The following CBFA2T3 variants were observed in gnomAD, a reference collection of about 807,000 sequenced individuals.
CBFA2T3 encodes CBFA2/RUNX1 partner transcriptional co-repressor 3, also known as transcriptional corepressor CBFA2T3.
CBFA2T3 carries 31 observed loss-of-function variants against 58.6 expected under a neutral mutation model. The observed-to-expected ratio is 0.53, with a 90% confidence interval of 0.40 to 0.71. CBFA2T3 has a LOEUF of 0.71. Among genes scored for constraint, CBFA2T3 ranks in the 30% least tolerant of loss-of-function variants. The pLI is 0.00. For missense variants in CBFA2T3, 1,076 were observed against 963.1 expected (o/e 1.12, Z -1.55); for synonymous variants, 531 against 421.9 (o/e 1.26, Z -3.17).
chr16:88,967,188 G>A (rs1420138636), intron 1 of CBFA2T3, among the ~76,000 whole-genome samples: 15 of 90,432 alleles, frequency 1.7e-4, no homozygotes, highest in African/African-American at 6.1e-4. Context: ...GGTGCCACTC[G>A]GCCCCGACAC....
At chr16:88,882,556 G>C (rs543136290) in intron 8 of CBFA2T3, 120 bp downstream of exon 8, 5 of 675,118 alleles carry the variant, frequency 7.4e-6, no homozygotes, top group African/African-American at 1.8e-5. Context: ...GGGTGTGGCT[G>C]TGTGTGGGCA....
intron 1 of CBFA2T3, among the ~76,000 whole-genome samples, chr16:88,933,815 C>T (rs8059433): frequency 0.27 from 39,453 of 143,730 alleles, 6,840 homozygotes; most frequent in Middle Eastern, 0.48. Context: ...CTTCATGCCA[C>T]GCGTATGTGA....
At position 88,932,852 on chromosome 16, in the gene CBFA2T3, C is replaced by G. The variant is rs541500574; in HGVS notation, c.152-31196G>C. Reference sequence around the variant, plus strand: ...GGTGCAGTGGTGTGTGGCTGTAATCCCAGCTACTCAGGAGGCTGACGCAGG... The same window carrying G: ...GGTGCAGTGGTGTGTGGCTGTAATCGCAGCTACTCAGGAGGCTGACGCAGG... On this transcript the variant is annotated intron_variant, in intron 1 of 11. Transcript: ENST00000268679. Among the ~76,000 whole-genome samples the G allele has an allele frequency of 9.4e-4, 139 of 148,456 alleles. 1 individual carries two copies. The highest frequency in any genetic ancestry group is 3.1e-3 in the African/African-American group (126 of 40,168).
At chr16:88,975,346 C>T (rs181711161) in intron 1 of CBFA2T3, among the ~76,000 whole-genome samples, 150 of 151,066 alleles carry the variant, frequency 9.9e-4, no homozygotes, top group African/African-American at 3.4e-3. Flanking sequence ...TAGACACCCC[C>T]GTCCTTCCAC....
At chr16:88,881,989 A>G (rs545545462) in intron 8 of CBFA2T3, among the ~76,000 whole-genome samples, 108 of 152,316 alleles carry the variant, frequency 7.1e-4, no homozygotes, top group Non-Finnish European at 1.2e-3. Context: ...TTTTGCCCAC[A>G]CTTCTTGCAA....
At chr16:88,933,309 C>T (rs1028987821) in intron 1 of CBFA2T3, among the ~76,000 whole-genome samples, 14 of 144,144 alleles carry the variant, frequency 9.7e-5, no homozygotes, top group African/African-American at 3.3e-4. Flanking sequence ...TGCCTCTATA[C>T]GCCTCACACG....
At position 88,901,721 on chromosome 16, in the gene CBFA2T3, C is replaced by G. The variant is rs911696407; in HGVS notation, c.152-65G>C. 11 of 1,409,898 alleles carry G rather than the reference C, an allele frequency of 7.8e-6. No individual in the cohort carries two copies. In the African/African-American group the frequency reaches 1.1e-4, roughly 14 times the overall value. 87.3% of individuals were successfully genotyped at this position (1,409,898 alleles called of 1,614,324 possible). ...TAAGTGCAAAGGCCAGGGCCCGCAGCCCCACGGTTCCCAGCGAAGGCCCCA... is the reference window on the plus strand; with the variant it reads ...TAAGTGCAAAGGCCAGGGCCCGCAGGCCCACGGTTCCCAGCGAAGGCCCCA... On this transcript the variant is annotated intron_variant, in intron 1 of 11. Coordinates refer to ENST00000268679, the MANE Select transcript of CBFA2T3 (RefSeq NM_005187.6).
At chr16:88,890,904 G>A (rs1969604749) in intron 5 of CBFA2T3, among the ~76,000 whole-genome samples, 2 of 152,066 alleles carry the variant, frequency 1.3e-5, no homozygotes, top group African/African-American at 4.8e-5. Context: ...TGTAGAGATG[G>A]GGTCTAGCTG....
At position 88,892,194 on chromosome 16, in the gene CBFA2T3, C is replaced by T. The variant is rs376164339; in HGVS notation, c.621+50G>A. Reference sequence around the variant, plus strand: ...TGGCCGTGGCTGCAACCTCATTAAACGGAGGGAATATGCATGTCCCAAGGC... The same window carrying T: ...TGGCCGTGGCTGCAACCTCATTAAATGGAGGGAATATGCATGTCCCAAGGC... On this transcript the variant is annotated intron_variant, in intron 4 of 11. Transcript: ENST00000268679. 2.2e-4 allele frequency: 339 copies of T among 1,574,628 alleles called. 2 individuals are homozygous for T. In the African/African-American group the frequency reaches 3.6e-3, roughly 17 times the overall value.
intron 1 of CBFA2T3, 35 bp downstream of exon 1, chr16:88,976,622 C>T (rs1480908057): frequency 3.4e-6 from 5 of 1,489,624 alleles, no homozygotes; most frequent in Middle Eastern, 2.3e-4. Flanking sequence ...CCGCTCTCTG[C>T]CCCCACCCCA....
Position 88,959,399 on chromosome 16 carries a change from G to A in CBFA2T3, c.151+17258C>T, listed in dbSNP as rs867122235. Among the ~76,000 whole-genome samples, 19 of 152,248 alleles carry A rather than the reference G, an allele frequency of 1.2e-4. No individual in the cohort carries two copies. The South Asian group carries it at 3.5e-3, about 28-fold the overall frequency. ...AGAGGTGGAGGGAACACGCATGCAC[G>A]CCCAGGGCTGGAGGCACGTGGGTGT... On this transcript the variant is annotated intron_variant, in intron 1 of 11. Coordinates refer to ENST00000268679, the MANE Select transcript of CBFA2T3 (RefSeq NM_005187.6).
chr16:88,885,334 G>A lies in CBFA2T3; in HGVS notation c.894-65C>T, dbSNP rs1372320805. 1 of 1,196,060 alleles carries A rather than the reference G, an allele frequency of 8.4e-7. No homozygotes were observed. Among genetic ancestry groups the A allele is most frequent in the Non-Finnish European group, 1.1e-6 (1 of 877,506 alleles). 74.1% of individuals were successfully genotyped at this position (1,196,060 alleles called of 1,614,324 possible). A position where few individuals can be genotyped will look rare whatever the true frequency, so the allele number is the denominator to read the frequency against. On this transcript the variant is annotated intron_variant, in intron 6 of 11. Transcript: ENST00000268679. The surrounding 1 kb of genome is among the most constrained non-coding windows in gnomAD (Gnocchi z 5.3). ...GGATGAACCGGGGACAGAGGTGCAG[G>A]TGGGGTGAGAGGCAGACAGGCAAGG...
intron 1 of CBFA2T3, among the ~76,000 whole-genome samples, chr16:88,941,468 C>G (rs1971729182): frequency 6.8e-6 from 1 of 148,130 alleles, no homozygotes; most frequent in Non-Finnish European, 1.5e-5. Flanking sequence ...CCCGGGGCGC[C>G]GGCCTGGAGA....
chr16:88,879,204 G>A (rs1968965421), intron 11 of CBFA2T3, 66 bp downstream of exon 11: 2 of 1,370,636 alleles, frequency 1.5e-6, no homozygotes, highest in Non-Finnish European at 2.0e-6. Flanking sequence ...ATCCTCATGG[G>A]GGTGGCGTGG....
At chr16:88,908,341 C>CAA (rs758798172) in intron 1 of CBFA2T3, among the ~76,000 whole-genome samples, 3,805 of 128,948 alleles carry the variant, frequency 0.03, 106 homozygotes, top group African/African-American at 0.076. Flanking sequence ...GACTCTGTTT[C>CAA]AAAAAAAAAA....
intron 10 of CBFA2T3, 112 bp from the exon 11 acceptor site, chr16:88,879,572 A>AGC: frequency 1.1e-6 from 1 of 926,258 alleles, no homozygotes; most frequent in Non-Finnish European, 1.7e-6. Flanking sequence ...AGCTGAACAC[A>AGC]CGTACCATCT....
intron 1 of CBFA2T3, among the ~76,000 whole-genome samples, chr16:88,956,658 A>G (rs1320282599): frequency 6.6e-6 from 1 of 152,212 alleles, no homozygotes; most frequent in African/African-American, 2.4e-5. Flanking sequence ...CCCAACCTGC[A>G]GCTGCCCCAC....
intron 8 of CBFA2T3, among the ~76,000 whole-genome samples, chr16:88,882,173 G>A (rs1472539997): frequency 1.3e-5 from 2 of 152,242 alleles, no homozygotes; most frequent in African/African-American, 4.8e-5. Context: ...GCGCAGGGAC[G>A]GCGCAGGCCA....
At position 88,919,121 on chromosome 16, in the gene CBFA2T3, G is replaced by A. The variant is rs569503390; in HGVS notation, c.152-17465C>T. On this transcript the variant is annotated intron_variant, in intron 1 of 11. Coordinates refer to ENST00000268679, the MANE Select transcript of CBFA2T3 (RefSeq NM_005187.6). ...GGCCTGTTCCTCTTCCTTATTTGAAGGTGTTTTTACCTTTCTCAGCATTCC... is the reference window on the plus strand; with the variant it reads ...GGCCTGTTCCTCTTCCTTATTTGAAAGTGTTTTTACCTTTCTCAGCATTCC... Among the ~76,000 whole-genome samples, 700 of 152,232 alleles carry A rather than the reference G, an allele frequency of 4.6e-3. 2 individuals are homozygous for A. Among genetic ancestry groups the A allele is most frequent in the African/African-American group, 0.016 (673 of 41,478 alleles).
Sources: allele counts gnomAD v4.1 joint callset (sites outside exome capture counted in the v4.1 genomes callset), GRCh38; gene constraint gnomAD v4.1.1; non-coding constraint Gnocchi (gnomAD v3.1); transcripts MANE v1.5; gene names NCBI Gene and HGNC (gene_info 2026-07-23, HGNC 2026-07-21).